SH3GL2: variants seen among roughly 807,000 people sequenced by gnomAD.
The protein encoded by SH3GL2 is SH3 domain containing GRB2 like 2, endophilin A1, also known as endophilin-A1.
SH3GL2 carries 24 observed loss-of-function variants against 46.0 expected under a neutral mutation model. That is an observed-to-expected ratio of 0.52 (90% CI 0.38 to 0.73). The LOEUF (loss-of-function observed/expected upper bound fraction) is 0.73, where lower values mean the gene tolerates loss of function less well. Ranked by LOEUF, SH3GL2 falls within the 30% of genes least tolerant of loss-of-function variation. The probability of loss-of-function intolerance (pLI) is 0.00; values close to 1 mark genes in which losing one functional copy is unlikely to be tolerated. For missense variants in SH3GL2, 413 were observed against 424.2 expected, an observed-to-expected ratio of 0.97 and a Z score of 0.23; for synonymous variants, 196 against 147.1, an observed-to-expected ratio of 1.33 and a Z score of -2.40.
At chr9:17,590,984 T>C (rs555864631) in intron 1 of SH3GL2, 2 of 152,286 alleles carry the variant, frequency 1.3e-5, no homozygotes, top group African/African-American at 4.8e-5. Context: ...GGTCTTGCAC[T>C]CCTACTCAAG....
At chr9:17,661,738 T>C (rs550553926) in intron 1 of SH3GL2, among the ~76,000 whole-genome samples, 2 of 152,184 alleles carry the variant, frequency 1.3e-5, no homozygotes, top group African/African-American at 2.4e-5. Flanking sequence ...GGCTGCTGGA[T>C]TGGAAGTTCT....
intron 2 of SH3GL2, among the ~76,000 whole-genome samples, chr9:17,759,314 CAG>C (rs1823101165): frequency 6.6e-6 from 1 of 152,184 alleles, no homozygotes; most frequent in African/African-American, 2.4e-5. Context: ...AAAATAAAAA[CAG>C]AATATGGGAT....
In SH3GL2 at chr9:17,643,445, G is replaced by A. The variant is rs145886104; in HGVS notation, c.45+64158G>A. 1.2e-4 allele frequency among the ~76,000 whole-genome samples: 19 copies of A among 152,100 alleles called. No individual in the cohort carries two copies. The East Asian group carries it at 3.7e-3, about 29-fold the overall frequency. ...TGTTGAATAGGAGTGGTGAGATGTTGAATAGGAGTTTTCAAAGGGAATGCT... is the reference window on the plus strand; with the variant it reads ...TGTTGAATAGGAGTGGTGAGATGTTAAATAGGAGTTTTCAAAGGGAATGCT... On this transcript the variant is annotated intron_variant, in intron 1 of 8. Coordinates refer to ENST00000380607, the MANE Select transcript of SH3GL2 (RefSeq NM_003026.5).
At chr9:17,645,402 G>T (rs1819790806) in intron 1 of SH3GL2, among the ~76,000 whole-genome samples, 1 of 152,024 alleles carries the variant, frequency 6.6e-6, no homozygotes, top group Non-Finnish European at 1.5e-5. Context: ...GTGTGAATTT[G>T]ATCCTTTCAT....
At chr9:17,605,157 T>A (rs1393068398) in intron 1 of SH3GL2, among the ~76,000 whole-genome samples, 1 of 151,962 alleles carries the variant, frequency 6.6e-6, no homozygotes, top group African/African-American at 2.4e-5. Context: ...AGAAAAATTT[T>A]TTGTAGAGAT....
intron 1 of SH3GL2, among the ~76,000 whole-genome samples, chr9:17,644,417 G>A (rs1819757182): frequency 6.6e-6 from 1 of 152,152 alleles, no homozygotes; most frequent in Non-Finnish European, 1.5e-5. Context: ...TAATTGTGAT[G>A]TTAGGGTGTT....
chr9:17,653,507 G>A (rs1016403459), intron 1 of SH3GL2, among the ~76,000 whole-genome samples: 23 of 152,048 alleles, frequency 1.5e-4, no homozygotes, highest in African/African-American at 5.3e-4. Flanking sequence ...GTCTTTTATT[G>A]ATGGTGCTTC....
chr9:17,597,269 C>T (rs1384585100), intron 1 of SH3GL2, among the ~76,000 whole-genome samples: 7 of 152,180 alleles, frequency 4.6e-5, no homozygotes, highest in Non-Finnish European at 1.5e-5. Context: ...CGCCTGTAAT[C>T]CCAGCACTTT....
At chr9:17,635,164 G>A (rs1456778371) in intron 1 of SH3GL2, among the ~76,000 whole-genome samples, 5 of 152,064 alleles carry the variant, frequency 3.3e-5, no homozygotes, top group South Asian at 4.1e-4. Flanking sequence ...ATAGGCCCCA[G>A]TGCATGTCAT....
chr9:17,658,128 A>C (rs1820133221), intron 1 of SH3GL2, among the ~76,000 whole-genome samples: 3 of 152,048 alleles, frequency 2.0e-5, no homozygotes, highest in Admixed American at 2.0e-4. Flanking sequence ...CAAATAATAT[A>C]CTCTTCTTTA....
intron 3 of SH3GL2, among the ~76,000 whole-genome samples, chr9:17,780,569 C>T (rs1159502502): frequency 2.2e-5 from 3 of 135,806 alleles, no homozygotes; most frequent in African/African-American, 5.6e-5. Context: ...CATGCTGGTG[C>T]GCTGCACCCA....
At position 17,674,309 on chromosome 9, in the gene SH3GL2, C is replaced by A. The variant is rs138682729; in HGVS notation, c.46-72757C>A. 5.4e-3 allele frequency among the ~76,000 whole-genome samples: 829 copies of A among 152,164 alleles called. 5 individuals are homozygous for A. The highest frequency in any genetic ancestry group is 0.019 in the African/African-American group (797 of 41,496). ...TAAGACGGAGTCTCTCTCTGTTGCCCAGGCTGGAGTGCAGTGGTGTGATCT... is the reference window on the plus strand; with the variant it reads ...TAAGACGGAGTCTCTCTCTGTTGCCAAGGCTGGAGTGCAGTGGTGTGATCT... On this transcript the variant is annotated intron_variant, in intron 1 of 8. Transcript: ENST00000380607.
intron 1 of SH3GL2, among the ~76,000 whole-genome samples, chr9:17,682,371 A>G (rs1005548902): frequency 1.3e-5 from 2 of 152,238 alleles, no homozygotes; most frequent in Non-Finnish European, 2.9e-5. Flanking sequence ...ATGGAATACT[A>G]TGCAGCTATG....
At chr9:17,698,438 G>A (rs1437852248) in intron 1 of SH3GL2, among the ~76,000 whole-genome samples, 9 of 152,006 alleles carry the variant, frequency 5.9e-5, no homozygotes, top group African/African-American at 2.2e-4. Context: ...GCATGTTATG[G>A]TGAGTGGGAG....
At chr9:17,607,866 CT>C (rs1818788633) in intron 1 of SH3GL2, among the ~76,000 whole-genome samples, 2 of 152,138 alleles carry the variant, frequency 1.3e-5, no homozygotes, top group African/African-American at 4.8e-5. Flanking sequence ...TCATCACAAA[CT>C]GATCATTCAA....
intron 2 of SH3GL2, chr9:17,755,605 T>A (rs1456987736): frequency 6.1e-6 from 1 of 163,552 alleles, no homozygotes; most frequent in African/African-American, 2.4e-5. Flanking sequence ...ACTGACTGAA[T>A]TTATTTATAT....
intron 3 of SH3GL2, among the ~76,000 whole-genome samples, chr9:17,765,296 C>T (rs895881956): frequency 1.4e-5 from 2 of 145,714 alleles, no homozygotes; most frequent in Non-Finnish European, 3.0e-5. Context: ...TTTGATGCTT[C>T]GAGGGTACTT....
intron 1 of SH3GL2, among the ~76,000 whole-genome samples, chr9:17,659,400 A>G (rs561659403): frequency 6.6e-6 from 1 of 152,250 alleles, no homozygotes; most frequent in East Asian, 1.9e-4. Context: ...TCTATGAGCC[A>G]GTGTCATAGA....
intron 1 of SH3GL2, among the ~76,000 whole-genome samples, chr9:17,671,113 T>A (rs934774361): frequency 6.6e-6 from 1 of 152,206 alleles, no homozygotes; most frequent in African/African-American, 2.4e-5. Flanking sequence ...ATTATATCTG[T>A]ACTGCTAAAG....
Sources: gnomAD v4.1 joint callset for allele counts (sites outside exome capture counted in the v4.1 genomes callset) on GRCh38, gnomAD v4.1.1 for gene constraint, MANE v1.5 for transcripts, NCBI Gene and HGNC (gene_info 2026-07-23, HGNC 2026-07-21) for gene names.